Variants in ZNF710 observed in about 807,000 individuals in gnomAD.
The protein encoded by ZNF710 is zinc finger protein 710.
Under a neutral mutation model 50.6 loss-of-function variants are expected in ZNF710, and 13 were observed. That is an observed-to-expected ratio of 0.26 (90% confidence interval 0.17 to 0.41). The LOEUF (loss-of-function observed/expected upper bound fraction) is 0.41. Among genes scored for constraint, ZNF710 ranks in the 10% least tolerant of loss-of-function variants. The pLI is 1.00. For missense variants in ZNF710, 721 were observed against 936.6 expected (o/e 0.77, Z 3.01); for synonymous variants, 383 against 397.0 (o/e 0.96, Z 0.42).
At chr15:90,049,438 C>A (rs1465788842) in intron 1 of ZNF710, among the ~76,000 whole-genome samples, 1 of 152,216 alleles carries the variant, frequency 6.6e-6, no homozygotes, top group Non-Finnish European at 1.5e-5. Flanking sequence ...CTAGTCACAG[C>A]CAGCCATTCG....
At chr15:90,057,084 G>A (rs1395225222) in intron 1 of ZNF710, among the ~76,000 whole-genome samples, 6 of 151,998 alleles carry the variant, frequency 3.9e-5, no homozygotes, top group Admixed American at 2.6e-4. Flanking sequence ...ACCCCATGGC[G>A]CTCCTTTGTG....
chr15:90,027,419 AG>A (rs1287769649), intron 1 of ZNF710, among the ~76,000 whole-genome samples: 1 of 152,170 alleles, frequency 6.6e-6, no homozygotes, highest in Non-Finnish European at 1.5e-5. Flanking sequence ...CATGTTGGTC[AG>A]GCTTGTCTCA....
At chr15:90,006,762 G>GATGAT (rs1215600337) in intron 1 of ZNF710, 2 of 154,794 alleles carry the variant, frequency 1.3e-5, no homozygotes, top group African/African-American at 4.8e-5. Flanking sequence ...AGCGTTACCT[G>GATGAT]GTAGTGAGTT....
At chr15:90,035,265 T>A (rs1003750202) in intron 1 of ZNF710, among the ~76,000 whole-genome samples, 1 of 152,258 alleles carries the variant, frequency 6.6e-6, no homozygotes, top group Admixed American at 6.5e-5. Context: ...ACACCCCAGC[T>A]TCCGGCTGCT....
chr15:90,000,843 G>A (rs965067337), upstream of ZNF710, among the ~76,000 whole-genome samples: 5 of 152,116 alleles, frequency 3.3e-5, no homozygotes, highest in African/African-American at 1.2e-4. Flanking sequence ...TCCAGAGGAC[G>A]CCCCTGGCTT....
chr15:90,049,612 A>G (rs1004142885), intron 1 of ZNF710, among the ~76,000 whole-genome samples: 1 of 152,150 alleles, frequency 6.6e-6, no homozygotes, highest in African/African-American at 2.4e-5. Flanking sequence ...TTGAAGAGGA[A>G]ACTAGTTCCT....
At chr15:90,036,344 G>A (rs930916784) in intron 1 of ZNF710, among the ~76,000 whole-genome samples, 4 of 150,742 alleles carry the variant, frequency 2.7e-5, no homozygotes, top group Non-Finnish European at 5.9e-5. Flanking sequence ...TTCACTTGGC[G>A]CTGTTCGATT....
At chr15:90,045,524 AG>A (rs894967906) in intron 1 of ZNF710, among the ~76,000 whole-genome samples, 25 of 152,252 alleles carry the variant, frequency 1.6e-4, no homozygotes, top group Non-Finnish European at 3.4e-4. Context: ...GCCTGAGCCC[AG>A]GGGCCGCTGG....
At chr15:89,999,465 T>C (rs929131453), upstream of ZNF710, among the ~76,000 whole-genome samples, 3 of 152,154 alleles carry the variant, frequency 2.0e-5, no homozygotes, top group Non-Finnish European at 2.9e-5. Flanking sequence ...AGGCTGCAAG[T>C]GATGACGGAA....
rs1394695143 is a variant in ZNF710, at chr15:90,059,046, G to C, written c.-28-8064G>C. ...GCCAAGCACACAGCCGGGCACCATAGCTTAGCCAAGATGACGCATATGATT... is the reference window on the plus strand; with the variant it reads ...GCCAAGCACACAGCCGGGCACCATACCTTAGCCAAGATGACGCATATGATT... On this transcript the variant is annotated intron_variant, in intron 1 of 4. Transcript: ENST00000268154. This position sits in a 1 kb window ranked among gnomAD's most constrained non-coding sequence, Gnocchi z 4.1. Among the ~76,000 whole-genome samples the C allele has an allele frequency of 6.6e-6, 1 of 152,210 alleles. No homozygotes were observed. Among genetic ancestry groups the C allele is most frequent in the Non-Finnish European group, 1.5e-5 (1 of 68,054 alleles).
At chr15:90,026,601 A>G (rs1395373169) in intron 1 of ZNF710, among the ~76,000 whole-genome samples, 1 of 152,194 alleles carries the variant, frequency 6.6e-6, no homozygotes, top group Non-Finnish European at 1.5e-5. Context: ...GCCTGATATT[A>G]AACATGGCAA....
At chr15:90,018,880 A>G (rs2151472189) in intron 1 of ZNF710, among the ~76,000 whole-genome samples, 1 of 124,780 alleles carries the variant, frequency 8.0e-6, no homozygotes, top group Admixed American at 7.7e-5. Context: ...GTCTCTGTCT[A>G]GTGGTTTTTT....
At chr15:90,050,081 C>A (rs141370231) in intron 1 of ZNF710, among the ~76,000 whole-genome samples, 1 of 152,348 alleles carries the variant, frequency 6.6e-6, no homozygotes, top group African/African-American at 2.4e-5. Flanking sequence ...TGCGTGTGTA[C>A]GCTATCAGCT....
intron 1 of ZNF710, among the ~76,000 whole-genome samples, chr15:90,060,227 A>T (rs1451072274): frequency 6.6e-6 from 1 of 152,212 alleles, no homozygotes; most frequent in Non-Finnish European, 1.5e-5. Context: ...CCCACAAGCA[A>T]GCACCTAATA....
intron 1 of ZNF710, among the ~76,000 whole-genome samples, chr15:90,028,923 A>G (rs142961185): frequency 1.1e-4 from 16 of 152,344 alleles, no homozygotes; most frequent in Admixed American, 3.9e-4. Context: ...CATGAAGAGG[A>G]CTGGGAAGAA....
At chr15:90,033,093 A>T (rs1898996889) in intron 1 of ZNF710, among the ~76,000 whole-genome samples, 1 of 152,210 alleles carries the variant, frequency 6.6e-6, no homozygotes, top group Admixed American at 6.5e-5. Flanking sequence ...TTAACCAAGC[A>T]AGAGGAGGAG....
intron 1 of ZNF710, among the ~76,000 whole-genome samples, chr15:90,055,984 G>A (rs1395247489): frequency 6.6e-6 from 1 of 151,512 alleles, no homozygotes; most frequent in Non-Finnish European, 1.5e-5. Flanking sequence ...AGGCATAGTG[G>A]TGCACACCTG....
chr15:90,002,643 C>T (rs1367232575), intron 1 of ZNF710: 2 of 152,374 alleles, frequency 1.3e-5, no homozygotes, highest in East Asian at 1.9e-4. Context: ...TGGGCCACCG[C>T]CCCCTTCACC....
chr15:90,035,397 C>G (rs1567228733), intron 1 of ZNF710, among the ~76,000 whole-genome samples: 2 of 152,358 alleles, frequency 1.3e-5, no homozygotes, highest in East Asian at 3.9e-4. Context: ...CAGGTTTGCA[C>G]AGTTGCCCCT....
Sources: gnomAD v4.1 joint callset for allele counts (sites outside exome capture counted in the v4.1 genomes callset) on GRCh38, gnomAD v4.1.1 for gene constraint, Gnocchi (gnomAD v3.1) non-coding constraint, MANE v1.5 for transcripts, NCBI Gene and HGNC (gene_info 2026-07-23, HGNC 2026-07-21) for gene names.